Variants in SPANXN3 observed in about 807,000 individuals in gnomAD.
SPANXN3 encodes SPANX family member N3.
SPANXN3 carries 1 observed loss-of-function variant against 1.9 expected under a neutral mutation model. That is an observed-to-expected ratio of 0.54 (90% CI 0.19 to 2.54). The LOEUF (loss-of-function observed/expected upper bound fraction) is 2.54. Among genes scored for constraint, SPANXN3 ranks in the 30% most tolerant of loss-of-function variants. SPANXN3 has a pLI of 0.24. For synonymous variants in SPANXN3, 47 were observed against 40.0 expected (o/e 1.17, Z -0.66); for missense variants, 113 against 96.2 (o/e 1.17, Z -0.73).
chrX:143,509,297 A>G (rs1929037517), intron 1 of SPANXN3, 135 bp from the exon 2 acceptor site: 1 of 523,420 alleles, frequency 1.9e-6, no homozygotes, highest in Non-Finnish European at 3.3e-6. Context: ...ACAAGGTGAA[A>G]TCATAGGGTA....
intron 1 of SPANXN3, among the ~76,000 whole-genome samples, chrX:143,515,841 C>CT (rs1929204389): frequency 1.8e-5 from 2 of 111,915 alleles, no homozygotes; most frequent in Middle Eastern, 4.6e-3. Flanking sequence ...CAGCTAAACT[C>CT]TTTTTCCCCC....
intron 1 of SPANXN3, among the ~76,000 whole-genome samples, chrX:143,513,361 C>T (rs782490713): frequency 8.4e-4 from 94 of 112,310 alleles, no homozygotes; most frequent in Non-Finnish European, 1.3e-3. Context: ...CATACGGCAA[C>T]GCCACACAAG....
chrX:143,515,592 G>A (rs1445299418), intron 1 of SPANXN3, among the ~76,000 whole-genome samples: 1 of 110,441 alleles, frequency 9.1e-6, no homozygotes, highest in Non-Finnish European at 1.9e-5. Flanking sequence ...TTTGTCTGTG[G>A]GATACTCTAA....
At chrX:143,513,873 A>C (rs1176004327) in intron 1 of SPANXN3, among the ~76,000 whole-genome samples, 2 of 111,968 alleles carry the variant, frequency 1.8e-5, no homozygotes, top group Non-Finnish European at 3.8e-5. Context: ...CTGCCACCCC[A>C]TGCTACCTCT....
intron 1 of SPANXN3, chrX:143,516,609 A>G (rs73235686): frequency 9.0e-6 from 1 of 111,575 alleles, no homozygotes; most frequent in Non-Finnish European, 1.9e-5. Context: ...GCCCATGTAT[A>G]TTTACCTTCA....
At position 143,508,881 on chromosome X, in the gene SPANXN3, T is replaced by A. The variant is rs373173967; in HGVS notation, c.360A>T (p.Gly120=). Residue 120 remains glycine (G), a synonymous_variant, in exon 2 of 2, where the codon GGA becomes GGT. Transcript: ENST00000370503. Reference sequence around the variant, plus strand: ...CTAGGTCTTCATCCTCCTGTGAGGATCCTTCAGATGAGTCTAGATCTTTGT... The same window carrying A: ...CTAGGTCTTCATCCTCCTGTGAGGAACCTTCAGATGAGTCTAGATCTTTGT... ...KEDKDLDSSE[G]SSQEDEDLGL... The A allele has an allele frequency of 5.0e-6, 6 of 1,210,165 alleles. No homozygotes were observed. Among genetic ancestry groups the A allele is most frequent in the Non-Finnish European group, 6.7e-6 (6 of 895,199 alleles).
intron 1 of SPANXN3, among the ~76,000 whole-genome samples, chrX:143,515,029 G>A (rs1376036418): frequency 9.1e-6 from 1 of 110,146 alleles, no homozygotes; most frequent in Non-Finnish European, 1.9e-5. Flanking sequence ...ATACTTGGCC[G>A]GCGTTACACC....
chrX:143,515,333 G>A (rs1449765968), intron 1 of SPANXN3, among the ~76,000 whole-genome samples: 2 of 111,306 alleles, frequency 1.8e-5, no homozygotes, highest in African/African-American at 6.6e-5. Flanking sequence ...TTCCCCGACA[G>A]GACCAACCTC....
intron 1 of SPANXN3, among the ~76,000 whole-genome samples, chrX:143,513,871 C>T (rs1556412096): frequency 8.9e-6 from 1 of 112,243 alleles, no homozygotes; most frequent in Non-Finnish European, 1.9e-5. Context: ...CTCTGCCACC[C>T]CATGCTACCT....
At chrX:143,515,566 T>C (rs1268807183) in intron 1 of SPANXN3, among the ~76,000 whole-genome samples, 3 of 111,166 alleles carry the variant, frequency 2.7e-5, no homozygotes, top group African/African-American at 9.8e-5. Context: ...AATCTCCTCT[T>C]TCTTCTTTTG....
chrX:143,509,272 G>A, intron 1 of SPANXN3, 110 bp from the exon 2 acceptor site: 1 of 613,246 alleles, frequency 1.6e-6, no homozygotes. Flanking sequence ...AGGAAGGGGT[G>A]TGTGCCAGAG....
chrX:143,517,049 TG>T (rs1458114964), intron 1 of SPANXN3, among the ~76,000 whole-genome samples: 3 of 110,987 alleles, frequency 2.7e-5, no homozygotes, highest in Non-Finnish European at 5.7e-5. Flanking sequence ...TACACCACAA[TG>T]ACATCCCACT....
At chrX:143,512,173 A>G (rs1172214470) in intron 1 of SPANXN3, among the ~76,000 whole-genome samples, 1 of 109,693 alleles carries the variant, frequency 9.1e-6, no homozygotes, top group Non-Finnish European at 1.9e-5. Context: ...CCTCCATGCA[A>G]TGCGGCTCCT....
chrX:143,510,206 T>G (rs1556411494), intron 1 of SPANXN3: 1 of 111,276 alleles, frequency 9.0e-6, no homozygotes, highest in African/African-American at 3.3e-5. Context: ...GTCTCCCTAT[T>G]CTTCCTTTCT....
intron 1 of SPANXN3, among the ~76,000 whole-genome samples, chrX:143,514,111 T>C (rs1464057069): frequency 1.8e-5 from 2 of 111,960 alleles, no homozygotes; most frequent in African/African-American, 6.5e-5. Flanking sequence ...CCATTATCCA[T>C]TGCAAGGGGT....
intron 1 of SPANXN3, among the ~76,000 whole-genome samples, chrX:143,514,785 T>G (rs1230209651): frequency 1.8e-5 from 2 of 111,717 alleles, no homozygotes; most frequent in African/African-American, 6.5e-5. Flanking sequence ...AACATTAAAT[T>G]GGCTTTGCAT....
chrX:143,515,570 T>C (rs782086104), intron 1 of SPANXN3, among the ~76,000 whole-genome samples: 14 of 111,185 alleles, frequency 1.3e-4, no homozygotes, highest in African/African-American at 3.9e-4. Context: ...TCCTCTTTCT[T>C]CTTTTGTCCT....
chrX:143,512,788 C>A (rs781890818), intron 1 of SPANXN3, among the ~76,000 whole-genome samples: 8 of 111,569 alleles, frequency 7.2e-5, no homozygotes, highest in African/African-American at 2.3e-4. Flanking sequence ...TCAGACTTGC[C>A]CTCATCAAGG....
intron 1 of SPANXN3, among the ~76,000 whole-genome samples, chrX:143,514,895 T>C (rs1191155118): frequency 7.2e-5 from 8 of 111,558 alleles, no homozygotes; most frequent in East Asian, 2.8e-4. Flanking sequence ...ACTTCTCCCA[T>C]TGTTCCTCAT....
Sources: gnomAD v4.1 joint callset for allele counts (sites outside exome capture counted in the v4.1 genomes callset) on GRCh38, gnomAD v4.1.1 for gene constraint, MANE v1.5 for transcripts, NCBI Gene and HGNC (gene_info 2026-07-23, HGNC 2026-07-21) for gene names.